The following GLB1 variants were observed in gnomAD, a reference collection of about 807,000 sequenced individuals.
The protein encoded by GLB1 is galactosidase beta 1, also known as beta-galactosidase.
A neutral mutation model predicts 74.0 loss-of-function variants in GLB1; 56 were observed. The observed-to-expected ratio is 0.76, with a 90% CI of 0.61 to 0.94. The LOEUF is 0.94. Ranked by LOEUF, GLB1 falls within the 40% of genes least tolerant of loss-of-function variation. The pLI is 0.00. For synonymous variants in GLB1, 323 were observed against 323.6 expected (o/e 1.00, Z 0.02); for missense variants, 787 against 845.5 (o/e 0.93, Z 0.86).
chr3:33,014,693 G>A (rs1229726844), intron 14 of GLB1, among the ~76,000 whole-genome samples: 1 of 152,158 alleles, frequency 6.6e-6, no homozygotes, highest in Non-Finnish European at 1.5e-5. Flanking sequence ...TGGGCCAGGC[G>A]CAGTGGCTCA....
At chr3:33,030,950 CG>C (rs1697978386) in intron 10 of GLB1, 1 of 457,242 alleles carries the variant, frequency 2.2e-6, no homozygotes, top group South Asian at 9.4e-5. Flanking sequence ...GGTTCATCCT[CG>C]AGGTCAAAGT....
intron 10 of GLB1, among the ~76,000 whole-genome samples, chr3:33,039,410 G>A (rs755980210): frequency 6.6e-6 from 1 of 151,952 alleles, no homozygotes; most frequent in Non-Finnish European, 1.5e-5. Flanking sequence ...AAAAGAAGAT[G>A]AGGAATTTCA....
chr3:33,040,724 A>G (rs6781225), intron 10 of GLB1, among the ~76,000 whole-genome samples: 89,808 of 152,070 alleles, frequency 0.59, 28,004 homozygotes, highest in Non-Finnish European at 0.69. Context: ...AGAAACAACA[A>G]AAGGCAGAAT....
chr3:32,988,739 T>C, the GLB1 span, among the ~76,000 whole-genome samples: 1 of 152,342 alleles, frequency 6.6e-6, no homozygotes, highest in South Asian at 2.1e-4. Context: ...ATCTGGAATA[T>C]GTATTTCAAC....
At position 33,090,367 on chromosome 3, in the gene GLB1, A is replaced by G. The variant is rs947718057; in HGVS notation, c.75+6644T>C. 3 of 983,738 alleles carry G rather than the reference A, an allele frequency of 3.0e-6. No homozygotes were observed. In the African/African-American group the frequency reaches 5.2e-5, roughly 17 times the overall value. The allele number at this position is 983,738 out of a possible 1,614,324, so 60.9% of individuals were successfully genotyped here. ...AAGCTGGGAGAGAGGTACATGTACGAAAAGTTTAAAACAAACCAAACAAAA... is the reference window on the plus strand; with the variant it reads ...AAGCTGGGAGAGAGGTACATGTACGGAAAGTTTAAAACAAACCAAACAAAA... On this transcript the variant is annotated intron_variant, in intron 1 of 15. Transcript: ENST00000307363.
At chr3:33,080,372 C>G (rs1001819213) in intron 1 of GLB1, among the ~76,000 whole-genome samples, 1 of 151,604 alleles carries the variant, frequency 6.6e-6, no homozygotes, top group Non-Finnish European at 1.5e-5. Flanking sequence ...AGCCACCGCG[C>G]CTGGTCTTTA....
At chr3:33,085,343 T>G (rs1700470429) in intron 1 of GLB1, among the ~76,000 whole-genome samples, 1 of 144,686 alleles carries the variant, frequency 6.9e-6, no homozygotes, top group Non-Finnish European at 1.5e-5. Flanking sequence ...AAGAACCCCA[T>G]AATCAGGAGA....
Position 33,044,910 on chromosome 3 carries a change from C to T in GLB1, c.1068+1210G>A, listed in dbSNP as rs758791633. ...TTAGGTGCCTCAAAAGGGTACAACGCTAGCAGGACTAAGCAGTTCAGATGC... is the reference window on the plus strand; with the variant it reads ...TTAGGTGCCTCAAAAGGGTACAACGTTAGCAGGACTAAGCAGTTCAGATGC... On this transcript the variant is annotated intron_variant, in intron 10 of 15. Coordinates refer to ENST00000307363, the MANE Select transcript of GLB1 (RefSeq NM_000404.4). Among the ~76,000 whole-genome samples, 4 of 152,174 alleles carry T rather than the reference C, an allele frequency of 2.6e-5. No homozygotes were observed. In the East Asian group the frequency reaches 7.7e-4, roughly 29 times the overall value.
At chr3:33,024,121 G>T in intron 11 of GLB1, 130 bp downstream of exon 11, 2 of 1,064,698 alleles carry the variant, frequency 1.9e-6, no homozygotes, top group Non-Finnish European at 2.7e-6. Flanking sequence ...CATTAGGCTT[G>T]CAGAAAACAA....
Position 33,016,743 on chromosome 3 carries a change from C to T in GLB1, c.1445G>A (p.Arg482His), listed in dbSNP as rs72555391. 1.9e-5 allele frequency: 31 copies of T among 1,613,990 alleles called. No homozygotes were observed. Among genetic ancestry groups the T allele is most frequent in the Admixed American group, 5.0e-5 (3 of 60,000 alleles). Residue 482 changes from arginine to histidine, a missense_variant, in exon 14 of 16, where the codon CGT (arginine) becomes CAT (histidine). Physicochemically the swap from Arg to His is conservative, Grantham distance 29. Transcript: ENST00000307363. ...GTTGATATATGCACCATAGTTCACA[C>T]GTCCCATGTTCTCTACCAGAAGGTC... ...TLDLLVENMG[R>H]VNYGAYINDF...
intron 4 of GLB1, 118 bp from the exon 5 acceptor site, chr3:33,065,675 C>T (rs1699642355): frequency 7.9e-7 from 1 of 1,259,640 alleles, no homozygotes; most frequent in South Asian, 1.4e-5. Context: ...TAAAAACATT[C>T]TGAGTTTTCT....
intron 7 of GLB1, 93 bp downstream of exon 7, chr3:33,053,398 C>T: frequency 6.3e-7 from 1 of 1,588,350 alleles, no homozygotes; most frequent in Non-Finnish European, 8.6e-7. Context: ...GACTCCAGAG[C>T]CAAAAACATC....
intron 9 of GLB1, among the ~76,000 whole-genome samples, chr3:33,046,799 CA>C (rs1030630393): frequency 6.6e-6 from 1 of 152,182 alleles, no homozygotes; most frequent in Non-Finnish European, 1.5e-5. Context: ...GCCTTTGTTG[CA>C]TCTACAAAGA....
rs762841571 is a variant in GLB1 at position 33,021,524 on chromosome 3, T to C, written c.1233+42A>G. 6 of 1,599,784 alleles carry C rather than the reference T, an allele frequency of 3.8e-6. No homozygotes were observed. The Admixed American group carries it at 8.6e-5, about 23-fold the overall frequency. ...CAAGGCAGTGCAGAAAGCACACTTTTGCAAGTAGAAAAAAGGCGAGGCATT... is the reference window on the plus strand; with the variant it reads ...CAAGGCAGTGCAGAAAGCACACTTTCGCAAGTAGAAAAAAGGCGAGGCATT... On this transcript the variant is annotated intron_variant, in intron 12 of 15. Transcript: ENST00000307363.
chr3:33,081,007 G>C (rs892228072), intron 1 of GLB1, among the ~76,000 whole-genome samples: 2 of 152,232 alleles, frequency 1.3e-5, no homozygotes, highest in South Asian at 2.1e-4. Context: ...CATGGAGAGA[G>C]GGGGAGCAGT....
chr3:33,008,028 G>T (rs1040178226), intron 15 of GLB1, among the ~76,000 whole-genome samples: 1 of 152,168 alleles, frequency 6.6e-6, no homozygotes, highest in African/African-American at 2.4e-5. Flanking sequence ...TGCCTCTTTT[G>T]ATGGCTACGG....
chr3:33,091,832 T>C, intron 1 of GLB1: 2 of 985,456 alleles, frequency 2.0e-6, no homozygotes, highest in South Asian at 9.4e-5. Flanking sequence ...CAGCCCTGTC[T>C]TCTCAGTGAG....
At chr3:33,096,797 G>C (rs1355949331) in intron 1 of GLB1, 7 of 1,349,982 alleles carry the variant, frequency 5.2e-6, no homozygotes, top group South Asian at 3.6e-5. Context: ...ACAAGCGACC[G>C]AGCTGCCTGG....
chr3:33,059,029 A>G (rs1283494517), intron 5 of GLB1, among the ~76,000 whole-genome samples: 1 of 152,238 alleles, frequency 6.6e-6, no homozygotes, highest in East Asian at 1.9e-4. Flanking sequence ...TGCTCATGGC[A>G]TCCAGTGGGT....
Sources: allele counts gnomAD v4.1 joint callset (sites outside exome capture counted in the v4.1 genomes callset), GRCh38; gene constraint gnomAD v4.1.1; transcripts MANE v1.5; gene names NCBI Gene and HGNC (gene_info 2026-07-23, HGNC 2026-07-21).